Variants in KLK10 observed in about 807,000 individuals in gnomAD.
KLK10 encodes the protein kallikrein related peptidase 10.
A neutral mutation model predicts 25.7 loss-of-function variants in KLK10; 27 were observed. That is an observed-to-expected ratio of 1.05 (90% confidence interval 0.77 to 1.45). KLK10 has a LOEUF of 1.45. Among genes scored for constraint, KLK10 ranks in the 40% most tolerant of loss-of-function variants. The probability of loss-of-function intolerance (pLI) is 0.00; values close to 1 mark genes in which losing one functional copy is unlikely to be tolerated. For missense variants in KLK10, 386 were observed against 370.0 expected, an observed-to-expected ratio of 1.04 and a Z score of -0.35; for synonymous variants, 173 against 160.1, an observed-to-expected ratio of 1.08 and a Z score of -0.61.
In KLK10 at chr19:51,013,983, A is replaced by G. The variant is rs2739434; in HGVS notation, c.*817T>C. 0.65 allele frequency: 99,613 copies of G among 152,732 alleles called. 34,076 individuals are homozygous for G. The highest frequency in any genetic ancestry group is 0.87 in the African/African-American group (36,197 of 41,446). The allele number at this position is 152,732 out of a possible 1,614,324, so 9.5% of individuals were successfully genotyped here. ...GCCCTCTGGTCTTAGAGGCTGGGAT[A>G]GAAGCAAGGTGAGGTCCCTTGAGTT... On this transcript the variant is annotated 3_prime_UTR_variant, in exon 6 of 6. Transcript: ENST00000358789.
rs368383596 is a variant in KLK10, at chr19:51,019,071, C to T, written c.60G>A (p.Leu20=). ...AASGARALAK[L]LPLLMAQLWA... Reference sequence around the variant, plus strand: ...AGAGTTGCGCCATCAGCAGCGGCAGCAGCTTCGCCAGAGCCCGGGCGCCAG... The same window carrying T: ...AGAGTTGCGCCATCAGCAGCGGCAGTAGCTTCGCCAGAGCCCGGGCGCCAG... Residue 20 remains leucine (L), a synonymous_variant, in exon 2 of 6, where the codon CTG becomes CTA. Transcript: ENST00000358789. The surrounding 1 kb of genome is among the most constrained non-coding windows in gnomAD (Gnocchi z 4.2). 6.8e-6 allele frequency: 11 copies of T among 1,606,454 alleles called. No homozygotes were observed. Among genetic ancestry groups the T allele is most frequent in the Non-Finnish European group, 9.3e-6 (11 of 1,179,384 alleles).
chr19:51,014,607 G>A lies in KLK10; in HGVS notation c.*193C>T. On this transcript the variant is annotated 3_prime_UTR_variant, in exon 6 of 6. Transcript: ENST00000358789. Reference sequence around the variant, plus strand: ...CTGCATTTCAGCTTCAGTACAGGCAGAGAATGGGGATAGGTGGGGGAATGA... The same window carrying A: ...CTGCATTTCAGCTTCAGTACAGGCAAAGAATGGGGATAGGTGGGGGAATGA... 1 of 517,998 alleles carries A rather than the reference G, an allele frequency of 1.9e-6. No individual in the cohort carries two copies. The highest frequency in any genetic ancestry group is 2.7e-5 in the South Asian group (1 of 36,874). The allele number at this position is 517,998 out of a possible 1,614,324, so 32.1% of individuals were successfully genotyped here. A position where few individuals can be genotyped will look rare whatever the true frequency, so the allele number is the denominator to read the frequency against.
chr19:51,018,000 CAAAA>C (rs1162503837), intron 2 of KLK10, among the ~76,000 whole-genome samples: 817 of 28,078 alleles, frequency 0.029, 12 homozygotes, highest in African/African-American at 0.11. Context: ...GACCCTGTCT[CAAAA>C]AAAAAAAAAA....
chr19:51,017,136 C>G lies in KLK10; in HGVS notation c.243G>C (p.Val81=), dbSNP rs1484276006. 6.2e-7 allele frequency: 1 copy of G among 1,610,152 alleles called. No homozygotes were observed. The highest frequency in any genetic ancestry group is 2.2e-5 in the East Asian group (1 of 44,796). The change falls in exon 3 of 6, where the codon GTG becomes GTC. Residue 81 remains valine, a synonymous_variant. Transcript: ENST00000358789. ...TGTTTCCGCAGTGCGCGGCCGTCAG[C>G]ACCCAACTCTGGTCCACCAGGACAC... The part of the protein sequence containing the change: ...CAGVLVDQSW[V]LTAAHCGNKP...
At chr19:51,018,191 G>GAAAA (rs2091358485) in intron 2 of KLK10, among the ~76,000 whole-genome samples, 1 of 74,564 alleles carries the variant, frequency 1.3e-5, no homozygotes, top group African/African-American at 5.6e-5. Context: ...AAAAAAGAAG[G>GAAAA]AAAGAAAAAG....
chr19:51,012,874 T>C lies in KLK10; in HGVS notation c.*1926A>G, dbSNP rs2091283553. 6.6e-6 allele frequency: 1 copy of C among 152,086 alleles called. No individual in the cohort carries two copies. The highest frequency in any genetic ancestry group is 1.5e-5 in the Non-Finnish European group (1 of 68,026). The allele number at this position is 152,086 out of a possible 1,614,324, so 9.4% of individuals were successfully genotyped here. A position where few individuals can be genotyped will look rare whatever the true frequency, so the allele number is the denominator to read the frequency against. ...AGGAAGGCCTCCCGGAGGAGGTGAC[T>C]TTTGAGTGGAGACCTGAATGACAGG... On this transcript the variant is annotated 3_prime_UTR_variant, in exon 6 of 6. Transcript: ENST00000358789.
At position 51,013,776 on chromosome 19, in the gene KLK10, T is replaced by C. The variant is rs1019931518; in HGVS notation, c.*1024A>G. ...CTGGATTCTGTGTATTAACTCCCCT[T>C]CCCTCCCCCAATTTCAGGGAGAATC... On this transcript the variant is annotated 3_prime_UTR_variant, in exon 6 of 6. Transcript: ENST00000358789. 6.5e-6 allele frequency: 1 copy of C among 153,572 alleles called. No homozygotes were observed. Among genetic ancestry groups the C allele is most frequent in the Admixed American group, 6.6e-5 (1 of 15,256 alleles). The allele number at this position is 153,572 out of a possible 1,614,324, so 9.5% of individuals were successfully genotyped here.
rs565762690 is a variant in KLK10 at position 51,019,454 on chromosome 19, ATCCGAGG to A, written c.-10+166_-10+172del. On this transcript the variant is annotated intron_variant, in intron 1 of 5. Coordinates refer to ENST00000358789, the MANE Select transcript of KLK10 (RefSeq NM_145888.3). The surrounding 1 kb of genome is among the most constrained non-coding windows in gnomAD (Gnocchi z 4.2). Reference sequence around the variant, plus strand: ...CCCCTCCTTCACGCGCGGGGTGGGGATCCGAGGCTCGGAGCCAGTGGGAGCCTCTTTC... The same window carrying A: ...CCCCTCCTTCACGCGCGGGGTGGGGACTCGGAGCCAGTGGGAGCCTCTTTC... Among the ~76,000 whole-genome samples the A allele has an allele frequency of 1.6e-4, 25 of 152,186 alleles. No homozygotes were observed. In the South Asian group the frequency reaches 5.2e-3, roughly 32 times the overall value.
intron 2 of KLK10, 140 bp downstream of exon 2, chr19:51,018,903 C>CG (rs2091372128): frequency 1.5e-6 from 1 of 662,040 alleles, no homozygotes; most frequent in Admixed American, 2.4e-5. Context: ...GACTTGGGGG[C>CG]GGGCCGTGCT....
In KLK10 at chr19:51,018,164, C is replaced by CAAAAAAAAAAAAAAAA. The variant is rs35154267; in HGVS notation, c.88+863_89-875dup. Among the ~76,000 whole-genome samples the CAAAAAAAAAAAAAAAA allele has an allele frequency of 3.8e-3, 138 of 36,434 alleles. 1 individual carries two copies. The highest frequency in any genetic ancestry group is 4.0e-3 in the Non-Finnish European group (91 of 22,618). The allele number at this position is 36,434 out of a possible 152,430, so 23.9% of individuals were successfully genotyped here. A position where few individuals can be genotyped will look rare whatever the true frequency, so the allele number is the denominator to read the frequency against. ...ACGGAGACAGAGCACTGCCCTGTCT[C>CAAAAAAAAAAAAAAAA]AAAAAAAAAAAAAAAAAAAAAAGAA... On this transcript the variant is annotated intron_variant, in intron 2 of 5. Coordinates refer to ENST00000358789, the MANE Select transcript of KLK10 (RefSeq NM_145888.3).
Position 51,014,663 on chromosome 19 carries a change from G to A in KLK10, c.*137C>T, listed in dbSNP as rs2091298893. The A allele has an allele frequency of 6.5e-6, 5 of 766,072 alleles. No homozygotes were observed. Among genetic ancestry groups the A allele is most frequent in the Admixed American group, 2.3e-5 (1 of 43,726 alleles). 47.5% of individuals were successfully genotyped at this position (766,072 alleles called of 1,614,324 possible). On this transcript the variant is annotated 3_prime_UTR_variant, in exon 6 of 6. Coordinates refer to ENST00000358789, the MANE Select transcript of KLK10 (RefSeq NM_145888.3). ...GAGGGGAGATGTTTAGAGGTGTGGAGGGCGGCAGAGGTTTGAACAGTGCAG... is the reference window on the plus strand; with the variant it reads ...GAGGGGAGATGTTTAGAGGTGTGGAAGGCGGCAGAGGTTTGAACAGTGCAG...
chr19:51,015,555 A>C lies in KLK10; in HGVS notation c.545-5T>G, dbSNP rs759505745. The C allele has an allele frequency of 5.6e-6, 9 of 1,613,178 alleles. No homozygotes were observed. The highest frequency in any genetic ancestry group is 6.8e-6 in the Non-Finnish European group (8 of 1,179,286). On this transcript the variant is annotated splice_polypyrimidine_tract_variant and splice_region_variant and intron_variant, in intron 4 of 5. Transcript: ENST00000358789. ...TCAGGCCCTTGTTGTACTTCACTGA[A>C]GGGAGAATATGCCAGTAATCCCTGG...
At chr19:51,017,457 GAGA>G (rs897015396) in intron 2 of KLK10, 167 bp from the exon 3 acceptor site, 4 of 633,146 alleles carry the variant, frequency 6.3e-6, no homozygotes, top group African/African-American at 3.7e-5. Flanking sequence ...GGAATGGGAG[GAGA>G]AGAAGCGCGT....
At chr19:51,015,089 T>A (rs1462553695) in intron 5 of KLK10, 137 bp from the exon 6 acceptor site, 3 of 752,512 alleles carry the variant, frequency 4.0e-6, no homozygotes, top group Non-Finnish European at 6.4e-6. Context: ...GAATTAGGTA[T>A]GAGCTGGAAG....
In KLK10 at chr19:51,014,900, G is replaced by A. The variant is rs376579232; in HGVS notation, c.731C>T (p.Ser244Leu). ...AGAGCCACAGGGGTAAACACCCCAC[G>A]AGAGGATGCCTTGGAGGGTCTCGTC... The part of the protein sequence containing the change: ...VCDETLQGIL[S>L]WGVYPCGSAQ... The change falls in exon 6 of 6, where the codon TCG becomes TTG. Residue 244 changes from serine to leucine, a missense_variant. By Grantham distance (145) the Ser-to-Leu change is moderately radical. Coordinates refer to ENST00000358789, the MANE Select transcript of KLK10 (RefSeq NM_145888.3). 17 of 1,613,876 alleles carry A rather than the reference G, an allele frequency of 1.1e-5. No homozygotes were observed. Among genetic ancestry groups the A allele is most frequent in the Admixed American group, 3.3e-5 (2 of 59,990 alleles).
intron 4 of KLK10, 79 bp downstream of exon 4, chr19:51,015,803 C>T (rs2091318346): frequency 1.5e-6 from 2 of 1,359,522 alleles, no homozygotes; most frequent in South Asian, 2.9e-5. Context: ...AGTCCCCAGC[C>T]CATCCTTCCT....
intron 2 of KLK10, among the ~76,000 whole-genome samples, chr19:51,018,000 CAAAAA>C (rs1162503837): frequency 1.8e-3 from 50 of 28,128 alleles, no homozygotes; most frequent in African/African-American, 7.5e-3. Flanking sequence ...GACCCTGTCT[CAAAAA>C]AAAAAAAAAA....
chr19:51,014,871 G>T lies in KLK10; in HGVS notation c.760C>A (p.Gln254Lys). 6.2e-7 allele frequency: 1 copy of T among 1,614,012 alleles called. No homozygotes were observed. The highest frequency in any genetic ancestry group is 8.5e-7 in the Non-Finnish European group (1 of 1,179,908). The change falls in exon 6 of 6, where the codon CAG (glutamine) becomes AAG (lysine). Residue 254 changes from glutamine (Q) to lysine (K), a missense_variant. Physicochemically the swap from Gln to Lys is moderately conservative, Grantham distance 53 (BLOSUM62 1). Transcript: ENST00000358789. ...ATCTGGGTGTAGACAGCTGGATGCT[G>T]GGCAGAGCCACAGGGGTAAACACCC... ...SWGVYPCGSAQHPAVYTQICK... is the reference protein window; with the variant it reads ...SWGVYPCGSAKHPAVYTQICK...
At chr19:51,017,376 T>A in intron 2 of KLK10, 86 bp from the exon 3 acceptor site, 1 of 1,276,822 alleles carries the variant, frequency 7.8e-7, no homozygotes, top group East Asian at 2.5e-5. Context: ...CTGGACTGCG[T>A]TCGGGGACGG....
Sources: allele counts gnomAD v4.1 joint callset (sites outside exome capture counted in the v4.1 genomes callset), GRCh38; gene constraint gnomAD v4.1.1; non-coding constraint Gnocchi (gnomAD v3.1); transcripts MANE v1.5; gene names NCBI Gene and HGNC (gene_info 2026-07-23, HGNC 2026-07-21).